FTO: variants seen among roughly 807,000 people sequenced by gnomAD.
FTO encodes alpha-ketoglutarate-dependent dioxygenase FTO.
Under a neutral mutation model 63.9 loss-of-function variants are expected in FTO, and 47 were observed. The observed-to-expected ratio is 0.74, with a 90% CI of 0.58 to 0.94. The LOEUF is 0.94. FTO is among the 40% of genes least tolerant of loss of function. The probability of loss-of-function intolerance (pLI) is 0.00; values close to 1 mark genes in which losing one functional copy is unlikely to be tolerated. For synonymous variants in FTO, 207 were observed against 224.4 expected, an observed-to-expected ratio of 0.92 and a Z score of 0.69; for missense variants, 562 against 618.1, an observed-to-expected ratio of 0.91 and a Z score of 0.96.
chr16:53,917,711 T>TGA (rs767908583), intron 7 of FTO, among the ~76,000 whole-genome samples: 2 of 109,472 alleles, frequency 1.8e-5, no homozygotes, highest in East Asian at 4.5e-4. Context: ...ATTGAGTGAG[T>TGA]GTGTGTGTGT....
chr16:54,022,394 CT>C (rs1380517019), intron 8 of FTO, among the ~76,000 whole-genome samples: 17 of 147,992 alleles, frequency 1.1e-4, no homozygotes, highest in South Asian at 4.3e-4. Context: ...ACACACTAGT[CT>C]TTTTTTTTTA....
At chr16:53,980,821 C>T (rs767286037) in intron 8 of FTO, among the ~76,000 whole-genome samples, 34 of 152,030 alleles carry the variant, frequency 2.2e-4, no homozygotes, top group Non-Finnish European at 3.4e-4. Flanking sequence ...TTTTTAATAG[C>T]GGCATTGTTT....
intron 1 of FTO, among the ~76,000 whole-genome samples, chr16:53,760,225 TGTGTGTGTGTGTGTGTGTGTGTGTGTGTG>T (rs1485696683): frequency 0.055 from 3,275 of 59,302 alleles, 104 homozygotes; most frequent in Middle Eastern, 0.21. Context: ...TGTGTGTGTG[TGTGTGTGTGTGTGTGTGTGTGTGTGTGTG>T]TGTGTGTTTT....
chr16:53,986,962 A>G (rs2083681377), intron 8 of FTO, among the ~76,000 whole-genome samples: 1 of 152,198 alleles, frequency 6.6e-6, no homozygotes, highest in Non-Finnish European at 1.5e-5. Context: ...CTTTTTACTT[A>G]AGTAGCTATT....
At position 53,826,271 on chromosome 16, in the gene FTO, C is replaced by A; in HGVS notation, c.531C>A (p.Pro177=). Residue 177 remains proline (P), a synonymous_variant, in exon 3 of 9, where the codon CCC becomes CCA. Coordinates refer to ENST00000471389, the MANE Select transcript of FTO (RefSeq NM_001080432.3). Reference sequence around the variant, plus strand: ...CATTGTGTATGTCTGCAGATTTCCCCAGGGTTGGGATGGGTTCATCCTACA... The same window carrying A: ...CATTGTGTATGTCTGCAGATTTCCCAAGGGTTGGGATGGGTTCATCCTACA... The part of the protein sequence containing the change: ...AVPLCMSADF[P]RVGMGSSYNG... 2 of 1,614,198 alleles carry A rather than the reference C, an allele frequency of 1.2e-6. No individual in the cohort carries two copies. Among genetic ancestry groups the A allele is most frequent in the Non-Finnish European group, 1.7e-6 (2 of 1,180,024 alleles).
At chr16:53,727,126 AG>A (rs1567933150) in intron 1 of FTO, among the ~76,000 whole-genome samples, 1 of 152,080 alleles carries the variant, frequency 6.6e-6, no homozygotes, top group Non-Finnish European at 1.5e-5. Context: ...TGACTTTCAC[AG>A]GGCCAAGAGG....
chr16:53,724,378 C>T (rs567504409), intron 1 of FTO, among the ~76,000 whole-genome samples: 1 of 152,180 alleles, frequency 6.6e-6, no homozygotes, highest in Non-Finnish European at 1.5e-5. Flanking sequence ...AGTGCTGCCA[C>T]GAAGTCAGGA....
At chr16:53,902,439 C>A (rs2081426812) in intron 7 of FTO, among the ~76,000 whole-genome samples, 1 of 152,188 alleles carries the variant, frequency 6.6e-6, no homozygotes. Flanking sequence ...CCCTAAATAT[C>A]CATGGCTGTG....
chr16:54,112,164 G>C lies in FTO; in HGVS notation c.*249G>C, dbSNP rs2086906246. On this transcript the variant is annotated 3_prime_UTR_variant, in exon 9 of 9. Transcript: ENST00000471389. Reference sequence around the variant, plus strand: ...CAAAATTGTTCAGATTATAAAATGTGAGCCATTCAGCCCCCAAGGTCCAGG... The same window carrying C: ...CAAAATTGTTCAGATTATAAAATGTCAGCCATTCAGCCCCCAAGGTCCAGG... 2.0e-6 allele frequency: 1 copy of C among 502,294 alleles called. No homozygotes were observed. Among genetic ancestry groups the C allele is most frequent in the Middle Eastern group, 5.7e-4 (1 of 1,744 alleles). 31.1% of individuals were successfully genotyped at this position (502,294 alleles called of 1,614,324 possible).
At chr16:53,823,654 G>A (rs1165233469) in intron 2 of FTO, among the ~76,000 whole-genome samples, 1 of 152,008 alleles carries the variant, frequency 6.6e-6, no homozygotes, top group Non-Finnish European at 1.5e-5. Flanking sequence ...TTATTTAGTT[G>A]TTAAATCCAG....
intron 8 of FTO, among the ~76,000 whole-genome samples, chr16:54,016,598 A>G (rs772234548): frequency 1.6e-4 from 24 of 152,208 alleles, no homozygotes; most frequent in Non-Finnish European, 3.1e-4. Context: ...ATTCCCCACA[A>G]ATAGCAGTAA....
At chr16:54,082,015 T>C (rs1360607175) in intron 8 of FTO, among the ~76,000 whole-genome samples, 2 of 152,154 alleles carry the variant, frequency 1.3e-5, no homozygotes, top group African/African-American at 4.8e-5. Context: ...TACCGCCCCG[T>C]CAGACAGGGG....
intron 7 of FTO, among the ~76,000 whole-genome samples, chr16:53,891,998 G>T (rs1026740289): frequency 6.6e-6 from 1 of 152,084 alleles, no homozygotes; most frequent in African/African-American, 2.4e-5. Flanking sequence ...TGAAGATTTA[G>T]GTCCAGATAA....
In FTO at chr16:54,041,296, A is replaced by G. The variant is rs569892858; in HGVS notation, c.1365-70466A>G. ...AGCACAGGGGGAAACCACCACTTTT[A>G]AACCATCAGATCTCGTGAGAACTCC... On this transcript the variant is annotated intron_variant, in intron 8 of 8. Transcript: ENST00000471389. Among the ~76,000 whole-genome samples, 62 of 152,254 alleles carry G rather than the reference A, an allele frequency of 4.1e-4. 1 individual carries two copies. The highest frequency in any genetic ancestry group is 1.5e-3 in the African/African-American group (61 of 41,550).
chr16:53,817,225 C>T (rs553341342), intron 2 of FTO, among the ~76,000 whole-genome samples: 1 of 152,280 alleles, frequency 6.6e-6, no homozygotes, highest in South Asian at 2.1e-4. Context: ...ATCTCTGTGT[C>T]ATTTTGTAGC....
rs1231588553 is a variant in FTO at position 54,121,813 on chromosome 16, ACAG to A, written c.*9900_*9902del. ...TGTCCTATTTATAAGTCAGTAAAAC[ACAG>A]CGGCTTCATACTCTGTGCTTATTAC... On this transcript the variant is annotated 3_prime_UTR_variant, in exon 9 of 9. Coordinates refer to ENST00000471389, the MANE Select transcript of FTO (RefSeq NM_001080432.3). 6.6e-6 allele frequency: 1 copy of A among 152,144 alleles called. No homozygotes were observed. Among genetic ancestry groups the A allele is most frequent in the Non-Finnish European group, 1.5e-5 (1 of 68,028 alleles). 9.4% of individuals were successfully genotyped at this position (152,144 alleles called of 1,614,324 possible).
chr16:53,938,857 A>G (rs149553510), intron 8 of FTO, among the ~76,000 whole-genome samples: 3,113 of 152,164 alleles, frequency 0.02, 101 homozygotes, highest in African/African-American at 0.071. Flanking sequence ...TGGGAGGCCT[A>G]GACGGGCGGA....
chr16:53,984,806 G>A (rs1245782807), intron 8 of FTO: 4 of 404,536 alleles, frequency 9.9e-6, no homozygotes, highest in Non-Finnish European at 1.9e-5. Context: ...GTGATATTGG[G>A]ATATGATTAT....
chr16:53,757,848 C>T (rs1246838965), intron 1 of FTO, among the ~76,000 whole-genome samples: 1 of 152,134 alleles, frequency 6.6e-6, no homozygotes, highest in Admixed American at 6.5e-5. Flanking sequence ...AGAGCTCAAA[C>T]AGTTGTGGTA....
Sources: allele counts gnomAD v4.1 joint callset (sites outside exome capture counted in the v4.1 genomes callset), GRCh38; gene constraint gnomAD v4.1.1; transcripts MANE v1.5; gene names NCBI Gene and HGNC (gene_info 2026-07-23, HGNC 2026-07-21).